Variants in DLG2 observed in about 807,000 individuals in gnomAD.
DLG2 encodes the protein disks large homolog 2.
A neutral mutation model predicts 132.5 loss-of-function variants in DLG2; 45 were observed. That is an observed-to-expected ratio of 0.34 (90% confidence interval 0.27 to 0.44). DLG2 has a LOEUF of 0.44. Ranked by LOEUF, DLG2 falls within the 20% of genes least tolerant of loss-of-function variation. The pLI is 1.00. For synonymous variants in DLG2, 424 were observed against 419.6 expected (o/e 1.01, Z -0.13); for missense variants, 1,045 against 1,196.9 (o/e 0.87, Z 1.87).
intron 3 of DLG2, among the ~76,000 whole-genome samples, chr11:85,538,158 A>G (rs746447911): frequency 2.6e-5 from 4 of 151,648 alleles, no homozygotes; most frequent in Non-Finnish European, 4.4e-5. Flanking sequence ...GAACTGTAAC[A>G]CTCACTGTGA....
chr11:85,466,169 T>C (rs1351480592), intron 3 of DLG2, among the ~76,000 whole-genome samples: 2 of 152,228 alleles, frequency 1.3e-5, no homozygotes, highest in Non-Finnish European at 2.9e-5. Context: ...TTTTTTCTTG[T>C]AAATTTGTTG....
At chr11:84,917,230 T>C (rs1293664682) in intron 6 of DLG2, among the ~76,000 whole-genome samples, 1 of 152,096 alleles carries the variant, frequency 6.6e-6, no homozygotes, top group East Asian at 1.9e-4. Flanking sequence ...GAACGCAGAA[T>C]ACAAAAGAAA....
At chr11:85,393,320 A>G (rs1464062870) in intron 3 of DLG2, among the ~76,000 whole-genome samples, 1 of 152,192 alleles carries the variant, frequency 6.6e-6, no homozygotes. Context: ...ACACCAAAAA[A>G]TAATAGTTGT....
chr11:83,867,379 T>A (rs893341698), intron 16 of DLG2, among the ~76,000 whole-genome samples: 4 of 152,168 alleles, frequency 2.6e-5, no homozygotes, highest in Non-Finnish European at 2.9e-5. Context: ...AAATATACAA[T>A]ATTTAATGTT....
intron 18 of DLG2, among the ~76,000 whole-genome samples, chr11:83,714,547 T>C (rs1485852344): frequency 6.6e-6 from 1 of 152,208 alleles, no homozygotes; most frequent in African/African-American, 2.4e-5. Context: ...TTGAAGTGAA[T>C]GTCAGTCAGA....
chr11:84,601,779 T>C (rs1056893751), intron 6 of DLG2, among the ~76,000 whole-genome samples: 1 of 152,090 alleles, frequency 6.6e-6, no homozygotes, highest in African/African-American at 2.4e-5. Context: ...CAAATTTTCT[T>C]GAATAATCAT....
At chr11:83,659,743 C>G (rs879540205) in intron 18 of DLG2, among the ~76,000 whole-genome samples, 11 of 152,246 alleles carry the variant, frequency 7.2e-5, no homozygotes, top group Admixed American at 7.2e-4. Flanking sequence ...GCCCTTTAAT[C>G]CACACACTAT....
intron 18 of DLG2, among the ~76,000 whole-genome samples, chr11:83,691,041 G>A (rs2080902253): frequency 6.6e-6 from 1 of 152,132 alleles, no homozygotes; most frequent in South Asian, 2.1e-4. Context: ...GGCCCCTTGT[G>A]TATATGACTG....
At chr11:84,220,982 T>A (rs1480061821) in intron 8 of DLG2, among the ~76,000 whole-genome samples, 1 of 150,978 alleles carries the variant, frequency 6.6e-6, no homozygotes, top group Non-Finnish European at 1.5e-5. Context: ...ACTTTTTTTT[T>A]TGGTAGAGAC....
intron 19 of DLG2, among the ~76,000 whole-genome samples, chr11:83,579,966 T>C (rs1441428431): frequency 6.6e-6 from 1 of 151,838 alleles, no homozygotes; most frequent in Non-Finnish European, 1.5e-5. Context: ...CGAGACTCTA[T>C]CTCAAAATAA....
At chr11:84,601,558 T>C (rs947887447) in intron 6 of DLG2, among the ~76,000 whole-genome samples, 1 of 151,996 alleles carries the variant, frequency 6.6e-6, no homozygotes, top group East Asian at 1.9e-4. Flanking sequence ...ATTACCTAAA[T>C]ATCCAACAAT....
At chr11:83,899,609 C>A (rs2072835224) in intron 15 of DLG2, among the ~76,000 whole-genome samples, 1 of 152,150 alleles carries the variant, frequency 6.6e-6, no homozygotes. Context: ...GGGAGTTTCC[C>A]TGCACAAGCT....
chr11:85,458,240 G>A (rs2092482940), intron 3 of DLG2, among the ~76,000 whole-genome samples: 1 of 151,954 alleles, frequency 6.6e-6, no homozygotes, highest in South Asian at 2.1e-4. Flanking sequence ...TAACACTTGT[G>A]ATTGCATTAT....
chr11:84,445,741 C>T (rs551762928), intron 7 of DLG2, among the ~76,000 whole-genome samples: 51 of 151,688 alleles, frequency 3.4e-4, no homozygotes, highest in African/African-American at 1.2e-3. Flanking sequence ...ATGGTGAAAC[C>T]CCGTCTCTAC....
At chr11:84,194,864 C>T (rs2096485089) in intron 8 of DLG2, among the ~76,000 whole-genome samples, 1 of 152,194 alleles carries the variant, frequency 6.6e-6, no homozygotes, top group Non-Finnish European at 1.5e-5. Flanking sequence ...CTGCCTGGGG[C>T]CGGCGGCGCT....
At chr11:84,105,140 A>G (rs1340605910) in intron 9 of DLG2, among the ~76,000 whole-genome samples, 1 of 152,148 alleles carries the variant, frequency 6.6e-6, no homozygotes, top group Non-Finnish European at 1.5e-5. Flanking sequence ...TTTTAGTTAT[A>G]AGGAACCGCT....
At chr11:83,484,378 C>T in intron 21 of DLG2, 150 bp from the exon 22 acceptor site, 3 of 591,670 alleles carry the variant, frequency 5.1e-6, no homozygotes, top group East Asian at 3.1e-5. Context: ...TTCTAAAGGT[C>T]GATTTTATTT....
chr11:84,118,058 T>C (rs1390352783), intron 9 of DLG2, among the ~76,000 whole-genome samples: 2 of 152,068 alleles, frequency 1.3e-5, no homozygotes, highest in Non-Finnish European at 2.9e-5. Context: ...GGTTTCACCA[T>C]GTTGGCCAGG....
intron 16 of DLG2, among the ~76,000 whole-genome samples, chr11:83,844,595 T>TG (rs1169310978): frequency 2.8e-5 from 4 of 144,972 alleles, no homozygotes; most frequent in Non-Finnish European, 4.5e-5. Flanking sequence ...AATCAAGGCA[T>TG]GTTTGAATGT....
Sources: allele counts gnomAD v4.1 joint callset (sites outside exome capture counted in the v4.1 genomes callset), GRCh38; gene constraint gnomAD v4.1.1; transcripts MANE v1.5; gene names NCBI Gene and HGNC (gene_info 2026-07-23, HGNC 2026-07-21).